The following FZD3 variants were observed in gnomAD, a reference collection of about 807,000 sequenced individuals.
FZD3 encodes frizzled class receptor 3.
A neutral mutation model predicts 60.7 loss-of-function variants in FZD3; 30 were observed. That is an observed-to-expected ratio of 0.49 (90% confidence interval 0.37 to 0.67). The LOEUF is 0.67. Among genes scored for constraint, FZD3 ranks in the 30% least tolerant of loss-of-function variants. The probability of loss-of-function intolerance (pLI) is 0.00; values close to 1 mark genes in which losing one functional copy is unlikely to be tolerated. For synonymous variants in FZD3, 246 were observed against 275.2 expected (o/e 0.89, Z 1.05); for missense variants, 605 against 838.7 (o/e 0.72, Z 3.44).
At chr8:28,495,984 C>A (rs1251620927) in intron 1 of FZD3, among the ~76,000 whole-genome samples, 2 of 152,162 alleles carry the variant, frequency 1.3e-5, no homozygotes, top group Non-Finnish European at 2.9e-5. Flanking sequence ...TCTCCTAAAT[C>A]GTCCCATTTA....
rs1367493644 is a variant in FZD3, at chr8:28,572,448, T to C, written c.*9437T>C. The C allele has an allele frequency of 6.6e-6, 1 of 152,188 alleles. No homozygotes were observed. The highest frequency in any genetic ancestry group is 1.5e-5 in the Non-Finnish European group (1 of 68,014). The allele number at this position is 152,188 out of a possible 1,614,324, so 9.4% of individuals were successfully genotyped here. A position where few individuals can be genotyped will look rare whatever the true frequency, so the allele number is the denominator to read the frequency against. On this transcript the variant is annotated 3_prime_UTR_variant, in exon 8 of 8. Coordinates refer to ENST00000240093, the MANE Select transcript of FZD3 (RefSeq NM_017412.4). Reference sequence around the variant, plus strand: ...TAAAAAAAGTTATCCTTTATTTTGTTGTTAAATTTCCCAGTTTTTAAAAGT... The same window carrying C: ...TAAAAAAAGTTATCCTTTATTTTGTCGTTAAATTTCCCAGTTTTTAAAAGT...
chr8:28,557,161 A>G (rs1401071714), intron 7 of FZD3, among the ~76,000 whole-genome samples: 3 of 150,876 alleles, frequency 2.0e-5, no homozygotes, highest in Non-Finnish European at 4.4e-5. Context: ...GTGAGCTGAC[A>G]TCGTGCCACT....
At chr8:28,513,325 C>T (rs1804337867) in intron 3 of FZD3, among the ~76,000 whole-genome samples, 1 of 152,122 alleles carries the variant, frequency 6.6e-6, no homozygotes, top group Non-Finnish European at 1.5e-5. Context: ...AAGTTTACTT[C>T]CTATAGGAAA....
chr8:28,521,735 ATGTT>A (rs1362515563), intron 4 of FZD3, among the ~76,000 whole-genome samples: 1 of 152,152 alleles, frequency 6.6e-6, no homozygotes, highest in Admixed American at 6.5e-5. Context: ...GTATCTATCT[ATGTT>A]TGTACCTGTA....
At chr8:28,554,108 A>G (rs1361780102) in intron 6 of FZD3, among the ~76,000 whole-genome samples, 1 of 152,256 alleles carries the variant, frequency 6.6e-6, no homozygotes, top group Non-Finnish European at 1.5e-5. Flanking sequence ...CCCTTAAGTG[A>G]AGCCAGATTT....
intron 3 of FZD3, among the ~76,000 whole-genome samples, chr8:28,507,346 G>GTC (rs1372202157): frequency 6.6e-6 from 1 of 151,970 alleles, no homozygotes; most frequent in Non-Finnish European, 1.5e-5. Flanking sequence ...CCGTGTCTCT[G>GTC]TCTCATTTAT....
chr8:28,562,612 C>T (rs1353701533), intron 7 of FZD3, among the ~76,000 whole-genome samples, 186 bp from the exon 8 acceptor site: 2 of 152,180 alleles, frequency 1.3e-5, no homozygotes, highest in Non-Finnish European at 2.9e-5. Context: ...TATCTCTTCT[C>T]TTTTGTTGGC....
intron 5 of FZD3, among the ~76,000 whole-genome samples, chr8:28,533,035 C>T (rs1414079266): frequency 2.0e-5 from 3 of 152,040 alleles, no homozygotes; most frequent in African/African-American, 7.2e-5. Context: ...TTTATTTCTT[C>T]TTGAGGCATT....
intron 7 of FZD3, among the ~76,000 whole-genome samples, chr8:28,559,797 T>A: frequency 6.6e-6 from 1 of 152,226 alleles, no homozygotes; most frequent in East Asian, 1.9e-4. Flanking sequence ...CAACACTATG[T>A]TGTGGTCATT....
intron 7 of FZD3, among the ~76,000 whole-genome samples, chr8:28,562,535 C>T (rs533611659): frequency 4.6e-5 from 7 of 152,300 alleles, no homozygotes; most frequent in South Asian, 2.1e-4. Flanking sequence ...AGCTTCAAAT[C>T]GGTCAGCCTT....
chr8:28,527,649 A>C lies in FZD3; in HGVS notation c.889A>C (p.Thr297Pro). 1 of 1,613,864 alleles carries C rather than the reference A, an allele frequency of 6.2e-7. No individual in the cohort carries two copies. The highest frequency in any genetic ancestry group is 8.5e-7 in the Non-Finnish European group (1 of 1,179,942). ...TMLFMILYFFTMAGSVWWVIL... is the reference protein window; with the variant it reads ...TMLFMILYFFPMAGSVWWVIL... ...GCTTTTTATGATACTCTATTTTTTTACTATGGCTGGCAGTGTATGGTGGGT... is the reference window on the plus strand; with the variant it reads ...GCTTTTTATGATACTCTATTTTTTTCCTATGGCTGGCAGTGTATGGTGGGT... Residue 297 changes from threonine to proline, a missense_variant, in exon 5 of 8, where the codon ACT becomes CCT. Coordinates refer to ENST00000240093, the MANE Select transcript of FZD3 (RefSeq NM_017412.4). This position sits in a 1 kb window ranked among gnomAD's most constrained non-coding sequence, Gnocchi z 5.0.
intron 1 of FZD3, among the ~76,000 whole-genome samples, chr8:28,497,304 TCC>T (rs2130252003): frequency 6.6e-6 from 1 of 152,236 alleles, no homozygotes; most frequent in Non-Finnish European, 1.5e-5. Context: ...GGAATCTAGG[TCC>T]TGTGAATTAA....
chr8:28,513,499 A>G (rs959394611), intron 3 of FZD3, among the ~76,000 whole-genome samples: 21 of 152,326 alleles, frequency 1.4e-4, no homozygotes, highest in African/African-American at 5.1e-4. Flanking sequence ...GAACAGGAAA[A>G]TAAACCTATG....
rs1249374670 is a variant in FZD3, at chr8:28,562,982, G to A, written c.1972G>A (p.Val658Ile). ...HITHGTSMNR[V>I]IEEDGTSA Reference sequence around the variant, plus strand: ...CACACATGGCACCAGCATGAATCGGGTTATTGAAGAAGATGGAACCAGTGC... The same window carrying A: ...CACACATGGCACCAGCATGAATCGGATTATTGAAGAAGATGGAACCAGTGC... Residue 658 changes from valine to isoleucine, a missense_variant, in exon 8 of 8, where the codon GTT becomes ATT. Coordinates refer to ENST00000240093, the MANE Select transcript of FZD3 (RefSeq NM_017412.4). 2 of 1,612,930 alleles carry A rather than the reference G, an allele frequency of 1.2e-6. No individual in the cohort carries two copies. Among genetic ancestry groups the A allele is most frequent in the Non-Finnish European group, 1.7e-6 (2 of 1,179,016 alleles).
chr8:28,555,294 C>T (rs1273815162), intron 6 of FZD3, among the ~76,000 whole-genome samples: 1 of 152,094 alleles, frequency 6.6e-6, no homozygotes, highest in Non-Finnish European at 1.5e-5. Flanking sequence ...GTTTTATAAA[C>T]CATGCAAGAA....
chr8:28,558,406 C>CCTTT (rs1407473140), intron 7 of FZD3, among the ~76,000 whole-genome samples: 1 of 150,460 alleles, frequency 6.6e-6, no homozygotes, highest in Non-Finnish European at 1.5e-5. Context: ...TTGGCCTTAT[C>CCTTT]CTTTCTTTAT....
At chr8:28,510,934 G>A (rs1419986308) in intron 3 of FZD3, among the ~76,000 whole-genome samples, 1 of 151,996 alleles carries the variant, frequency 6.6e-6, no homozygotes, top group South Asian at 2.1e-4. Flanking sequence ...CTACTCGGGA[G>A]GCTAAGACAG....
rs887427737 is a variant in FZD3, at chr8:28,565,214, T to G, written c.*2203T>G. ...TGACTTATTCTTCATGAGAGATATT[T>G]GAATATTTGGCCCAAAATGTTTTTC... On this transcript the variant is annotated 3_prime_UTR_variant, in exon 8 of 8. Transcript: ENST00000240093. The G allele has an allele frequency of 6.6e-6, 1 of 152,240 alleles. No homozygotes were observed. The highest frequency in any genetic ancestry group is 1.5e-5 in the Non-Finnish European group (1 of 68,030). 9.4% of individuals were successfully genotyped at this position (152,240 alleles called of 1,614,324 possible).
In FZD3 at chr8:28,512,155, T is replaced by C. The variant is rs534781150; in HGVS notation, c.190-8483T>C. Among the ~76,000 whole-genome samples, 76 of 152,244 alleles carry C rather than the reference T, an allele frequency of 5.0e-4. No homozygotes were observed. In the Middle Eastern group the frequency reaches 0.017, roughly 34 times the overall value. ...ATTTTTTGGGTGGTAGGGGACAGAG[T>C]GTCAAAGTGACTTGAATTCAACATT... is the stretch of plus-strand genomic sequence containing the variant. On this transcript the variant is annotated intron_variant, in intron 3 of 7. Transcript: ENST00000240093.
Sources: gnomAD v4.1 joint callset for allele counts (sites outside exome capture counted in the v4.1 genomes callset) on GRCh38, gnomAD v4.1.1 for gene constraint, Gnocchi (gnomAD v3.1) non-coding constraint, MANE v1.5 for transcripts, NCBI Gene and HGNC (gene_info 2026-07-23, HGNC 2026-07-21) for gene names.